The following HSPBAP1 variants were observed in gnomAD, a reference collection of about 807,000 sequenced individuals.
HSPBAP1 encodes the protein HSPB1 associated protein 1, also known as HSPB1-associated protein 1.
A neutral mutation model predicts 45.2 loss-of-function variants in HSPBAP1; 27 were observed. The observed-to-expected ratio is 0.60, with a 90% CI of 0.44 to 0.82. The LOEUF (loss-of-function observed/expected upper bound fraction) is 0.82, where lower values mean the gene tolerates loss of function less well. Ranked by LOEUF, HSPBAP1 falls within the 40% of genes least tolerant of loss-of-function variation. The pLI, the probability that HSPBAP1 is intolerant of heterozygous loss-of-function variation, is 0.00. For missense variants in HSPBAP1, 510 were observed against 590.9 expected, an observed-to-expected ratio of 0.86 and a Z score of 1.42; for synonymous variants, 204 against 202.7, an observed-to-expected ratio of 1.01 and a Z score of -0.06.
At chr3:122,749,963 T>C (rs1281821484) in intron 6 of HSPBAP1, among the ~76,000 whole-genome samples, 1 of 151,264 alleles carries the variant, frequency 6.6e-6, no homozygotes, top group Non-Finnish European at 1.5e-5. Flanking sequence ...AGTAAATATG[T>C]TACTGGTTTT....
At chr3:122,749,765 T>G (rs1934057885) in intron 6 of HSPBAP1, among the ~76,000 whole-genome samples, 1 of 151,964 alleles carries the variant, frequency 6.6e-6, no homozygotes, top group Admixed American at 6.5e-5. Flanking sequence ...TGCGCCACCA[T>G]GCCCGGCTAA....
intron 4 of HSPBAP1, among the ~76,000 whole-genome samples, chr3:122,758,201 C>T (rs1934427139): frequency 6.6e-6 from 1 of 152,154 alleles, no homozygotes; most frequent in African/African-American, 2.4e-5. Flanking sequence ...CCCACATGAC[C>T]AGGAGAAAAG....
At chr3:122,779,954 A>G (rs1028213784) in intron 1 of HSPBAP1, among the ~76,000 whole-genome samples, 4 of 151,234 alleles carry the variant, frequency 2.6e-5, no homozygotes, top group Admixed American at 6.6e-5. Context: ...TCTTTTCCCC[A>G]CCTTTCCCCC....
intron 1 of HSPBAP1, among the ~76,000 whole-genome samples, chr3:122,790,272 C>T (rs1054456882): frequency 1.3e-5 from 2 of 152,206 alleles, no homozygotes; most frequent in Admixed American, 6.5e-5. Context: ...TTCGTCACTT[C>T]AGCATTTCTG....
At chr3:122,792,880 A>G (rs779613007) in intron 1 of HSPBAP1, among the ~76,000 whole-genome samples, 7,619 of 149,798 alleles carry the variant, frequency 0.051, 263 homozygotes, top group Middle Eastern at 0.11. Context: ...AAAAAAAGAA[A>G]AAAAAAAAAA....
intron 1 of HSPBAP1, among the ~76,000 whole-genome samples, chr3:122,790,145 C>T (rs1935779285): frequency 6.6e-6 from 1 of 152,162 alleles, no homozygotes; most frequent in South Asian, 2.1e-4. Flanking sequence ...TACAGGCATG[C>T]ACCAGCATGC....
At chr3:122,793,536 CA>C in intron 1 of HSPBAP1, 80 bp downstream of exon 1, 1 of 1,292,988 alleles carries the variant, frequency 7.7e-7, no homozygotes, top group Non-Finnish European at 1.1e-6. Flanking sequence ...GGGGCTAAGG[CA>C]AACGGCCCCA....
intron 5 of HSPBAP1, chr3:122,753,749 C>T (rs962689470): frequency 4.1e-6 from 4 of 984,894 alleles, no homozygotes; most frequent in Non-Finnish European, 4.8e-6. Flanking sequence ...TAAAAGGCCA[C>T]TTGATAGTCA....
intron 3 of HSPBAP1, among the ~76,000 whole-genome samples, chr3:122,767,873 C>A (rs1335768842): frequency 6.6e-6 from 1 of 152,020 alleles, no homozygotes; most frequent in Non-Finnish European, 1.5e-5. Flanking sequence ...GGTGAACAGC[C>A]TGCAGGGATG....
intron 3 of HSPBAP1, among the ~76,000 whole-genome samples, chr3:122,761,242 A>G (rs1449953120): frequency 6.6e-6 from 1 of 152,220 alleles, no homozygotes; most frequent in Non-Finnish European, 1.5e-5. Flanking sequence ...TTATAGATAC[A>G]TCCCTTCAGG....
At chr3:122,741,342 A>G in intron 6 of HSPBAP1, 5 of 545,832 alleles carry the variant, frequency 9.2e-6, no homozygotes, top group Admixed American at 3.1e-5. Context: ...TATTCTATCT[A>G]TAAGTCATGG....
intron 1 of HSPBAP1, among the ~76,000 whole-genome samples, 167 bp from the exon 2 acceptor site, chr3:122,778,073 G>A (rs1243400277): frequency 6.6e-6 from 1 of 151,950 alleles, no homozygotes; most frequent in South Asian, 2.1e-4. Flanking sequence ...GGCCTCAAAA[G>A]ACCTGATTCT....
At chr3:122,787,187 T>C (rs1482963473) in intron 1 of HSPBAP1, among the ~76,000 whole-genome samples, 2 of 152,368 alleles carry the variant, frequency 1.3e-5, no homozygotes, top group South Asian at 4.1e-4. Context: ...AAATGTAGGA[T>C]GTTCTCCAGT....
intron 2 of HSPBAP1, among the ~76,000 whole-genome samples, chr3:122,770,021 T>C (rs1001495230): frequency 1.1e-4 from 16 of 152,228 alleles, no homozygotes; most frequent in Non-Finnish European, 2.2e-4. Flanking sequence ...CATTCATATA[T>C]TTACTTGGAA....
rs1469763370 is a variant in HSPBAP1, at chr3:122,740,791, C to T, written c.1021G>A (p.Val341Ile). ...AFFDRCRTSE[V>I]VEIQALRTDG... ...GTTCTCAGTGCTTGGATTTCTACTA[C>T]CTCAGATGTTCTGCAGCGATCAAAA... is the stretch of plus-strand genomic sequence containing the variant. Residue 341 changes from valine to isoleucine, a missense_variant, in exon 8 of 8, where the codon GTA (valine) becomes ATA (isoleucine). Val to Ile is a conservative substitution (Grantham distance 29, BLOSUM62 3). Coordinates refer to ENST00000306103, the MANE Select transcript of HSPBAP1 (RefSeq NM_024610.6). The T allele has an allele frequency of 6.2e-7, 1 of 1,614,064 alleles. No individual in the cohort carries two copies. The highest frequency in any genetic ancestry group is 8.5e-7 in the Non-Finnish European group (1 of 1,180,032).
At chr3:122,750,167 G>A (rs986125669) in intron 6 of HSPBAP1, among the ~76,000 whole-genome samples, 4 of 151,376 alleles carry the variant, frequency 2.6e-5, no homozygotes, top group African/African-American at 9.7e-5. Flanking sequence ...TAGAGATAGG[G>A]TTTCACCATG....
intron 2 of HSPBAP1, among the ~76,000 whole-genome samples, chr3:122,769,166 C>A (rs1482081985): frequency 1.3e-5 from 2 of 152,066 alleles, no homozygotes; most frequent in African/African-American, 4.8e-5. Flanking sequence ...TTAATTTGTA[C>A]TTGTTATATA....
chr3:122,747,791 C>T (rs9836766), intron 6 of HSPBAP1, among the ~76,000 whole-genome samples: 54,720 of 138,538 alleles, frequency 0.39, 11,793 homozygotes, highest in South Asian at 0.51. Flanking sequence ...CCAGCCGCCC[C>T]GTCCGGGAGG....
At position 122,740,255 on chromosome 3, in the gene HSPBAP1, G is replaced by T; in HGVS notation, c.*90C>A. ...AAATACATTTACAAATGTGCAAACT[G>T]ACCTTTTGCTGGTTCATCTTTATTT... On this transcript the variant is annotated 3_prime_UTR_variant, in exon 8 of 8. Transcript: ENST00000306103. 1.3e-6 allele frequency: 1 copy of T among 774,892 alleles called. No individual in the cohort carries two copies. The highest frequency in any genetic ancestry group is 1.9e-6 in the Non-Finnish European group (1 of 527,248). The allele number at this position is 774,892 out of a possible 1,614,324, so 48.0% of individuals were successfully genotyped here.
Sources: gnomAD v4.1 joint callset for allele counts (sites outside exome capture counted in the v4.1 genomes callset) on GRCh38, gnomAD v4.1.1 for gene constraint, MANE v1.5 for transcripts, NCBI Gene and HGNC (gene_info 2026-07-23, HGNC 2026-07-21) for gene names.